Variants in SNX24 observed in about 807,000 individuals in gnomAD.
SNX24 encodes the protein sorting nexin 24, also known as sorting nexin-24.
SNX24 carries 22 observed loss-of-function variants against 28.7 expected under a neutral mutation model. That is an observed-to-expected ratio of 0.77 (90% CI 0.55 to 1.10). The LOEUF is 1.10. Among genes scored for constraint, SNX24 ranks in the 50% least tolerant of loss-of-function variants. SNX24 has a pLI of 0.00. For missense variants in SNX24, 221 were observed against 201.1 expected, an observed-to-expected ratio of 1.10 and a Z score of -0.60; for synonymous variants, 69 against 71.5, an observed-to-expected ratio of 0.96 and a Z score of 0.18.
At chr5:122,972,842 C>T (rs752572326) in intron 3 of SNX24, among the ~76,000 whole-genome samples, 3 of 152,160 alleles carry the variant, frequency 2.0e-5, no homozygotes, top group African/African-American at 7.2e-5. Flanking sequence ...AGGAATGGTG[C>T]CATATCACGG....
At chr5:122,961,220 A>G (rs1005855537) in intron 3 of SNX24, among the ~76,000 whole-genome samples, 23 of 152,328 alleles carry the variant, frequency 1.5e-4, no homozygotes, top group African/African-American at 5.3e-4. Context: ...GTCTATCCTT[A>G]TTGCCACCCT....
chr5:122,917,920 A>T lies in SNX24; in HGVS notation c.61-18814A>T, dbSNP rs571243449. 3.9e-5 allele frequency among the ~76,000 whole-genome samples: 6 copies of T among 152,126 alleles called. No individual in the cohort carries two copies. In the East Asian group the frequency reaches 1.2e-3, roughly 29 times the overall value. On this transcript the variant is annotated intron_variant, in intron 1 of 6. Transcript: ENST00000261369. The stretch of plus-strand genomic sequence containing the variant: ...ACGGTGAAACCCCGTCTCTACTAAA[A>T]ATACAAAAAATTAGCCGGGCATGGT...
chr5:123,003,139 T>C (rs1314568970), intron 6 of SNX24, among the ~76,000 whole-genome samples: 3 of 152,186 alleles, frequency 2.0e-5, no homozygotes, highest in Admixed American at 1.3e-4. Flanking sequence ...AACTGCTCTC[T>C]ATAGCAAGGA....
At chr5:122,964,939 T>A (rs1458087776) in intron 3 of SNX24, among the ~76,000 whole-genome samples, 2 of 152,218 alleles carry the variant, frequency 1.3e-5, no homozygotes, top group Admixed American at 1.3e-4. Context: ...TTGAATTTTT[T>A]AGGTTGTTTC....
intron 3 of SNX24, among the ~76,000 whole-genome samples, chr5:122,955,614 T>C (rs2150133617): frequency 6.6e-6 from 1 of 152,314 alleles, no homozygotes; most frequent in South Asian, 2.1e-4. Flanking sequence ...GGCTCCTCAC[T>C]TGGCCCTCGT....
chr5:122,892,845 T>C (rs78628407), intron 1 of SNX24, among the ~76,000 whole-genome samples: 4,695 of 152,120 alleles, frequency 0.031, 83 homozygotes, highest in Non-Finnish European at 0.037. Context: ...CTCGGCTCAC[T>C]GCAAGCTCTG....
intron 4 of SNX24, 99 bp downstream of exon 4, chr5:123,000,105 C>T (rs563963912): frequency 1.4e-5 from 11 of 810,188 alleles, no homozygotes; most frequent in South Asian, 1.3e-4. Context: ...AGTAGCCTGC[C>T]GGCCACGCCC....
chr5:122,877,416 G>T (rs547014330), intron 1 of SNX24, among the ~76,000 whole-genome samples: 1 of 152,192 alleles, frequency 6.6e-6, no homozygotes, highest in African/African-American at 2.4e-5. Flanking sequence ...TTGAAATCAG[G>T]TATGGGACTA....
At chr5:122,888,000 C>T (rs1756791284) in intron 1 of SNX24, among the ~76,000 whole-genome samples, 1 of 152,174 alleles carries the variant, frequency 6.6e-6, no homozygotes, top group Non-Finnish European at 1.5e-5. Flanking sequence ...CCGCACTCGG[C>T]CTATATTGTA....
At position 123,008,989 on chromosome 5, in the gene SNX24, A is replaced by G; in HGVS notation, c.*1240A>G. 3.0e-6 allele frequency: 3 copies of G among 985,790 alleles called. No individual in the cohort carries two copies. Among genetic ancestry groups the G allele is most frequent in the Non-Finnish European group, 3.6e-6 (3 of 829,852 alleles). The allele number at this position is 985,790 out of a possible 1,614,324, so 61.1% of individuals were successfully genotyped here. ...GTATTTAAAATCAAAACTAATAACT[A>G]CATCATGGTTTTTGATTAGGATCTA... On this transcript the variant is annotated 3_prime_UTR_variant, in exon 7 of 7. Transcript: ENST00000261369.
At chr5:123,005,236 T>G (rs910450841) in intron 6 of SNX24, among the ~76,000 whole-genome samples, 11 of 152,176 alleles carry the variant, frequency 7.2e-5, no homozygotes, top group African/African-American at 2.7e-4. Context: ...TTCTTTGGCT[T>G]TGTCCTCTAA....
rs570306821 is a variant in SNX24, at chr5:122,997,396, G to A, written c.250-2516G>A. Among the ~76,000 whole-genome samples, 11 of 152,286 alleles carry A rather than the reference G, an allele frequency of 7.2e-5. No individual in the cohort carries two copies. The South Asian group carries it at 2.3e-3, about 32-fold the overall frequency. ...TTCTGGAGTTTTCTGTAGTGCTTTTGCCAGTATATCTTACGTAAAGCAATG... is the reference window on the plus strand; with the variant it reads ...TTCTGGAGTTTTCTGTAGTGCTTTTACCAGTATATCTTACGTAAAGCAATG... On this transcript the variant is annotated intron_variant, in intron 3 of 6. Coordinates refer to ENST00000261369, the MANE Select transcript of SNX24 (RefSeq NM_014035.4).
At chr5:122,923,525 G>A (rs1434305292) in intron 1 of SNX24, among the ~76,000 whole-genome samples, 1 of 152,134 alleles carries the variant, frequency 6.6e-6, no homozygotes, top group East Asian at 1.9e-4. Flanking sequence ...ACAGGAACAA[G>A]GCCTTTGTCT....
chr5:122,949,969 A>T (rs979329395), intron 3 of SNX24, among the ~76,000 whole-genome samples: 5 of 152,174 alleles, frequency 3.3e-5, no homozygotes, highest in Non-Finnish European at 7.4e-5. Flanking sequence ...TTTATTTCCT[A>T]GAATCATTTT....
At chr5:123,007,648 C>CTTTTTTTTTTTTTTTTTT in intron 6 of SNX24, 34 bp from the exon 7 acceptor site, 1 of 1,389,030 alleles carries the variant, frequency 7.2e-7, no homozygotes, top group Non-Finnish European at 9.8e-7. Flanking sequence ...AGCAGTTTTT[C>CTTTTTTTTTTTTTTTTTT]TTTTTTTTTT....
chr5:122,953,206 G>A (rs1299092739), intron 3 of SNX24, among the ~76,000 whole-genome samples: 1 of 151,730 alleles, frequency 6.6e-6, no homozygotes, highest in South Asian at 2.1e-4. Context: ...ATGGGTTCAA[G>A]TGATTCTCCT....
intron 3 of SNX24, among the ~76,000 whole-genome samples, chr5:122,958,753 T>C (rs1158395130): frequency 1.3e-5 from 2 of 151,690 alleles, no homozygotes; most frequent in Non-Finnish European, 2.9e-5. Context: ...AGAGACGGGG[T>C]CTTGCTATGT....
chr5:122,892,871 C>G (rs10054392), intron 1 of SNX24, among the ~76,000 whole-genome samples: 54,753 of 151,716 alleles, frequency 0.36, 10,533 homozygotes, highest in African/African-American at 0.46. Flanking sequence ...CAGGTTCAAG[C>G]TATTGTGCCT....
intron 3 of SNX24, among the ~76,000 whole-genome samples, chr5:122,960,433 A>G (rs1461762090): frequency 6.6e-6 from 1 of 152,304 alleles, no homozygotes; most frequent in East Asian, 1.9e-4. Context: ...ACTAGAGTGT[A>G]CTCATGGACT....
Sources: allele counts gnomAD v4.1 joint callset (sites outside exome capture counted in the v4.1 genomes callset), GRCh38; gene constraint gnomAD v4.1.1; transcripts MANE v1.5; gene names NCBI Gene and HGNC (gene_info 2026-07-23, HGNC 2026-07-21).